The following GALNTL6 variants were observed in gnomAD, a reference collection of about 807,000 sequenced individuals.
The protein encoded by GALNTL6 is polypeptide N-acetylgalactosaminyltransferase like 6.
In GALNTL6, 46 loss-of-function variants were observed where a neutral mutation model predicts 73.7. The ratio of observed to expected loss-of-function variants is 0.62; its 90% CI spans 0.49 to 0.80. The LOEUF (loss-of-function observed/expected upper bound fraction) is 0.80, where lower values mean the gene tolerates loss of function less well. Among genes scored for constraint, GALNTL6 ranks in the 30% least tolerant of loss-of-function variants. GALNTL6 has a pLI of 0.00. For synonymous variants in GALNTL6, 259 were observed against 263.7 expected (o/e 0.98, Z 0.17); for missense variants, 604 against 755.0 (o/e 0.80, Z 2.34).
intron 5 of GALNTL6, among the ~76,000 whole-genome samples, chr4:172,608,582 C>A (rs1738398224): frequency 6.6e-6 from 1 of 151,868 alleles, no homozygotes; most frequent in Non-Finnish European, 1.5e-5. Flanking sequence ...TAGTTTATTT[C>A]TTTTTGATTA....
At chr4:172,978,401 A>G (rs1244677118) in intron 10 of GALNTL6, among the ~76,000 whole-genome samples, 4 of 152,190 alleles carry the variant, frequency 2.6e-5, no homozygotes, top group African/African-American at 9.7e-5. Context: ...AGCAATAGAC[A>G]TCTCACTCAC....
At chr4:172,202,000 A>C (rs1370563503) in intron 2 of GALNTL6, among the ~76,000 whole-genome samples, 1 of 152,176 alleles carries the variant, frequency 6.6e-6, no homozygotes, top group South Asian at 2.1e-4. Context: ...CCTTTCCAGA[A>C]TTCAAAAGCA....
chr4:172,632,607 T>TA lies in GALNTL6; in HGVS notation c.554-176743dup, dbSNP rs955547505. On this transcript the variant is annotated intron_variant, in intron 5 of 12. Transcript: ENST00000506823. ...AGAGAATAAAAATCTGACTATGCAA[T>TA]AAAAAAAAAAAGAAAAATCCATTTT... Among the ~76,000 whole-genome samples the TA allele has an allele frequency of 4.4e-3, 616 of 139,336 alleles. 7 individuals carry two copies. The highest frequency in any genetic ancestry group is 0.013 in the African/African-American group (499 of 38,094). 91.4% of individuals were successfully genotyped at this position (139,336 alleles called of 152,430 possible).
chr4:172,459,265 C>G (rs190270971), intron 5 of GALNTL6, among the ~76,000 whole-genome samples: 1 of 152,026 alleles, frequency 6.6e-6, no homozygotes, highest in Non-Finnish European at 1.5e-5. Flanking sequence ...TCATACTGAA[C>G]GGGCAAAAGC....
At chr4:172,946,318 A>G (rs1207880757) in intron 9 of GALNTL6, among the ~76,000 whole-genome samples, 1 of 152,218 alleles carries the variant, frequency 6.6e-6, no homozygotes, top group African/African-American at 2.4e-5. Flanking sequence ...TAATACAAAT[A>G]CAGTTGACTC....
At chr4:172,445,987 C>T (rs1308104787) in intron 5 of GALNTL6, among the ~76,000 whole-genome samples, 6 of 151,978 alleles carry the variant, frequency 3.9e-5, no homozygotes, top group African/African-American at 9.7e-5. Flanking sequence ...AGACGTTATC[C>T]CTACCCTCAA....
intron 10 of GALNTL6, among the ~76,000 whole-genome samples, chr4:172,962,680 A>AC (rs955423584): frequency 1.2e-4 from 19 of 152,108 alleles, no homozygotes; most frequent in African/African-American, 4.6e-4. Context: ...AGGGCAACTC[A>AC]CCATTTTATG....
At chr4:171,961,040 G>A (rs982986361) in intron 2 of GALNTL6, among the ~76,000 whole-genome samples, 3 of 152,032 alleles carry the variant, frequency 2.0e-5, no homozygotes, top group African/African-American at 7.3e-5. Context: ...CACTCTTGAG[G>A]TCTGGGTTGG....
At chr4:172,638,299 G>T (rs977038212) in intron 5 of GALNTL6, among the ~76,000 whole-genome samples, 1 of 152,100 alleles carries the variant, frequency 6.6e-6, no homozygotes, top group Middle Eastern at 3.2e-3. Context: ...ATCTTAACTG[G>T]TTGTGGTCAA....
At chr4:171,926,701 G>A (rs976312964) in intron 2 of GALNTL6, among the ~76,000 whole-genome samples, 3 of 151,956 alleles carry the variant, frequency 2.0e-5, no homozygotes, top group East Asian at 1.9e-4. Context: ...TTTACTTTGC[G>A]ACACAGTACT....
At chr4:171,862,922 A>G (rs1243274907) in intron 2 of GALNTL6, among the ~76,000 whole-genome samples, 1 of 152,168 alleles carries the variant, frequency 6.6e-6, no homozygotes, top group Non-Finnish European at 1.5e-5. Context: ...TGAATACTTC[A>G]AAGTGATTGA....
At chr4:172,283,937 G>A (rs1005110287) in intron 3 of GALNTL6, among the ~76,000 whole-genome samples, 11 of 152,114 alleles carry the variant, frequency 7.2e-5, no homozygotes, top group Non-Finnish European at 2.9e-5. Context: ...TTTCAGATCA[G>A]TGAATAATTT....
intron 5 of GALNTL6, among the ~76,000 whole-genome samples, chr4:172,796,775 A>G (rs751313517): frequency 2.0e-5 from 3 of 151,498 alleles, no homozygotes; most frequent in Non-Finnish European, 4.4e-5. Context: ...GTACAAGAAT[A>G]TTATTAAGAA....
intron 5 of GALNTL6, among the ~76,000 whole-genome samples, chr4:172,473,554 T>C (rs1561099598): frequency 6.6e-6 from 1 of 152,212 alleles, no homozygotes; most frequent in Non-Finnish European, 1.5e-5. Flanking sequence ...AGTTGACTAA[T>C]TGTCACGGTG....
intron 8 of GALNTL6, among the ~76,000 whole-genome samples, chr4:172,884,266 T>A (rs1745602743): frequency 6.6e-6 from 1 of 152,208 alleles, no homozygotes; most frequent in Admixed American, 6.5e-5. Flanking sequence ...TTTCTCTGCA[T>A]CCTTGCCAGG....
At chr4:172,975,611 C>T (rs1378248707) in intron 10 of GALNTL6, among the ~76,000 whole-genome samples, 1 of 152,184 alleles carries the variant, frequency 6.6e-6, no homozygotes, top group Non-Finnish European at 1.5e-5. Context: ...CCTTTCTACC[C>T]AGGAGCCTGT....
At chr4:172,269,762 T>A (rs1560998903) in intron 3 of GALNTL6, among the ~76,000 whole-genome samples, 1 of 152,120 alleles carries the variant, frequency 6.6e-6, no homozygotes, top group Non-Finnish European at 1.5e-5. Context: ...TATTTTTTTT[T>A]ATTTTTTGAG....
chr4:172,422,691 G>T (rs1395575886), intron 5 of GALNTL6, among the ~76,000 whole-genome samples: 1 of 151,708 alleles, frequency 6.6e-6, no homozygotes, highest in Non-Finnish European at 1.5e-5. Flanking sequence ...TAATGTATTT[G>T]TCATCTCCAT....
intron 2 of GALNTL6, among the ~76,000 whole-genome samples, chr4:172,125,742 T>A (rs1158445407): frequency 6.6e-6 from 1 of 152,174 alleles, no homozygotes; most frequent in Non-Finnish European, 1.5e-5. Context: ...AAAAAAATTA[T>A]TATTTTTTTG....
Sources: gnomAD v4.1 joint callset for allele counts (sites outside exome capture counted in the v4.1 genomes callset) on GRCh38, gnomAD v4.1.1 for gene constraint, MANE v1.5 for transcripts, NCBI Gene and HGNC (gene_info 2026-07-23, HGNC 2026-07-21) for gene names.